The following ABAT variants were observed in gnomAD, a reference collection of about 807,000 sequenced individuals.
ABAT encodes 4-aminobutyrate aminotransferase, also known as 4-aminobutyrate aminotransferase, mitochondrial.
Under a neutral mutation model 64.6 loss-of-function variants are expected in ABAT, and 45 were observed. The ratio of observed to expected loss-of-function variants is 0.70; its 90% CI spans 0.55 to 0.89. The LOEUF (loss-of-function observed/expected upper bound fraction) is 0.89. ABAT is among the 40% of genes least tolerant of loss of function. The probability of loss-of-function intolerance (pLI) is 0.00; values close to 1 mark genes in which losing one functional copy is unlikely to be tolerated. For missense variants in ABAT, 633 were observed against 658.4 expected, an observed-to-expected ratio of 0.96 and a Z score of 0.42; for synonymous variants, 297 against 250.5, an observed-to-expected ratio of 1.19 and a Z score of -1.75.
chr16:8,769,744 C>T lies in ABAT; in HGVS notation c.816+771C>T, dbSNP rs985621479. The stretch of plus-strand genomic sequence containing the variant: ...TGAGGACAGGCAGCACCCCCCTACC[C>T]CCCGTTTCCACGTCATCTAACACAG... On this transcript the variant is annotated intron_variant, in intron 11 of 15. Transcript: ENST00000268251. Among the ~76,000 whole-genome samples the T allele has an allele frequency of 3.3e-5, 5 of 152,152 alleles. No homozygotes were observed. The East Asian group carries it at 9.6e-4, about 29-fold the overall frequency.
chr16:8,758,783 A>G (rs2059714913), intron 6 of ABAT, among the ~76,000 whole-genome samples: 1 of 151,350 alleles, frequency 6.6e-6, no homozygotes, highest in Admixed American at 6.5e-5. Flanking sequence ...GAAGAGAGAT[A>G]GAGAGCCATT....
rs376531387 is a variant in ABAT, at chr16:8,764,149, G to C, written c.447G>C (p.Ser149=). The C allele has an allele frequency of 2.5e-6, 4 of 1,612,874 alleles. No individual in the cohort carries two copies. Among genetic ancestry groups the C allele is most frequent in the Non-Finnish European group, 2.5e-6 (3 of 1,179,768 alleles). ...AGAAGCTCCGGCAGTCCTTGCTCTCGGTGAGTTCTGGAGAAGCAATCCCAT... is the reference window on the plus strand; with the variant it reads ...AGAAGCTCCGGCAGTCCTTGCTCTCCGTGAGTTCTGGAGAAGCAATCCCAT... ...FVEKLRQSLL[S]VAPKGMSQLI... The change falls in exon 7 of 16, where the codon TCG becomes TCC. Residue 149 remains serine, a splice_region_variant and synonymous_variant. Transcript: ENST00000268251. The surrounding 1 kb of genome is among the most constrained non-coding windows in gnomAD (Gnocchi z 4.2).
intron 1 of ABAT, among the ~76,000 whole-genome samples, chr16:8,702,113 A>C (rs1273381): frequency 0.75 from 114,553 of 151,996 alleles, 43,557 homozygotes; most frequent in East Asian, 0.86. Flanking sequence ...GTTTCATTGG[A>C]TCATGGTTCT....
intron 1 of ABAT, among the ~76,000 whole-genome samples, chr16:8,676,257 T>TG (rs1386127001): frequency 6.6e-6 from 1 of 152,086 alleles, no homozygotes; most frequent in African/African-American, 2.4e-5. Context: ...ATTAAAGACG[T>TG]GGCCCCTTCA....
At chr16:8,737,999 AGAAAGAAAGAAAGAAAG>A (rs2059022692) in intron 2 of ABAT, among the ~76,000 whole-genome samples, 1 of 118,616 alleles carries the variant, frequency 8.4e-6, no homozygotes, top group African/African-American at 3.6e-5. Context: ...GAGGAAAGAA[AGAAAGAAAGAAAGAAAG>A]GAAAGAAAGA....
At chr16:8,714,120 T>C (rs923211600) in intron 1 of ABAT, among the ~76,000 whole-genome samples, 1 of 152,136 alleles carries the variant, frequency 6.6e-6, no homozygotes, top group African/African-American at 2.4e-5. Flanking sequence ...AGGAGACCCT[T>C]TAAAGTGGGG....
At chr16:8,773,738 C>T (rs961810589) in intron 12 of ABAT, among the ~76,000 whole-genome samples, 8 of 152,166 alleles carry the variant, frequency 5.3e-5, no homozygotes, top group African/African-American at 1.2e-4. Context: ...CTCTGATAGG[C>T]GTCATTCGAC....
chr16:8,763,827 T>C (rs2059864522), intron 6 of ABAT, among the ~76,000 whole-genome samples: 1 of 152,210 alleles, frequency 6.6e-6, no homozygotes, highest in South Asian at 2.1e-4. Flanking sequence ...TAGCATCCTA[T>C]ATAACGCCAA....
Position 8,737,688 on chromosome 16 carries a change from C to T in ABAT, c.70+1879C>T, listed in dbSNP as rs376951863. On this transcript the variant is annotated intron_variant, in intron 2 of 15. Coordinates refer to ENST00000268251, the MANE Select transcript of ABAT (RefSeq NM_020686.6). Reference sequence around the variant, plus strand: ...CTATAATGCCAGCACTTTGGGAGGCCGAGGCAGGAGGATCATCTGAGGTCA... The same window carrying T: ...CTATAATGCCAGCACTTTGGGAGGCTGAGGCAGGAGGATCATCTGAGGTCA... 2.0e-4 allele frequency among the ~76,000 whole-genome samples: 30 copies of T among 149,448 alleles called. No individual in the cohort carries two copies. In the East Asian group the frequency reaches 3.6e-3, roughly 18 times the overall value.
chr16:8,685,968 C>G (rs1335971160), intron 1 of ABAT, among the ~76,000 whole-genome samples: 2 of 152,184 alleles, frequency 1.3e-5, no homozygotes, highest in African/African-American at 4.8e-5. Context: ...CTCCCACTAG[C>G]CTTTGAGCTC....
intron 1 of ABAT, among the ~76,000 whole-genome samples, chr16:8,686,030 G>C (rs894231230): frequency 6.6e-6 from 1 of 152,198 alleles, no homozygotes; most frequent in East Asian, 1.9e-4. Context: ...TGACCTTCCT[G>C]CAAAAGGTTT....
At chr16:8,689,460 A>G (rs754025410) in intron 1 of ABAT, among the ~76,000 whole-genome samples, 3 of 152,208 alleles carry the variant, frequency 2.0e-5, no homozygotes, top group Non-Finnish European at 2.9e-5. Flanking sequence ...CAATTTGACA[A>G]AAATGTATTG....
intron 1 of ABAT, among the ~76,000 whole-genome samples, chr16:8,723,424 C>G (rs576288746): frequency 5.9e-5 from 9 of 152,128 alleles, no homozygotes; most frequent in South Asian, 4.1e-4. Flanking sequence ...AGAAAGAGAG[C>G]CTTCCCTTGT....
chr16:8,731,961 C>T (rs1012981687), intron 1 of ABAT, among the ~76,000 whole-genome samples: 1 of 152,104 alleles, frequency 6.6e-6, no homozygotes, highest in African/African-American at 2.4e-5. Context: ...TGAAGTGATT[C>T]TCCTGCCTCA....
chr16:8,774,568 G>A (rs2060211355), intron 12 of ABAT, among the ~76,000 whole-genome samples: 1 of 152,114 alleles, frequency 6.6e-6, no homozygotes, highest in African/African-American at 2.4e-5. Context: ...AGCTCCCTCT[G>A]ACGAGGTCGA....
rs369503600 is a variant in ABAT at position 8,764,713 on chromosome 16, C to A, written c.448-25C>A. 17 of 1,604,520 alleles carry A rather than the reference C, an allele frequency of 1.1e-5. No individual in the cohort carries two copies. The highest frequency in any genetic ancestry group is 1.4e-5 in the Non-Finnish European group (16 of 1,171,490). Reference sequence around the variant, plus strand: ...GGACAGGAGTCATGATGAGCCTGGGCTCACGGCTATTTCCCTCCCCACAGG... The same window carrying A: ...GGACAGGAGTCATGATGAGCCTGGGATCACGGCTATTTCCCTCCCCACAGG... On this transcript the variant is annotated intron_variant, in intron 7 of 15. Coordinates refer to ENST00000268251, the MANE Select transcript of ABAT (RefSeq NM_020686.6). This position sits in a 1 kb window ranked among gnomAD's most constrained non-coding sequence, Gnocchi z 4.2.
At chr16:8,710,763 T>A (rs2058054392) in intron 1 of ABAT, among the ~76,000 whole-genome samples, 1 of 145,114 alleles carries the variant, frequency 6.9e-6, no homozygotes. Flanking sequence ...CCTTCACATC[T>A]GAGCAGGAAC....
chr16:8,762,422 C>T (rs1030528806), intron 6 of ABAT, among the ~76,000 whole-genome samples: 3 of 152,184 alleles, frequency 2.0e-5, no homozygotes, highest in African/African-American at 7.2e-5. Flanking sequence ...AGTGAAGAGT[C>T]TCCAGTTTGG....
intron 1 of ABAT, among the ~76,000 whole-genome samples, chr16:8,728,000 G>T (rs148685342): frequency 6.6e-6 from 1 of 152,210 alleles, no homozygotes; most frequent in Non-Finnish European, 1.5e-5. Flanking sequence ...GAGCCCGGGC[G>T]ATAGAGGCTG....
Sources: gnomAD v4.1 joint callset for allele counts (sites outside exome capture counted in the v4.1 genomes callset) on GRCh38, gnomAD v4.1.1 for gene constraint, Gnocchi (gnomAD v3.1) non-coding constraint, MANE v1.5 for transcripts, NCBI Gene and HGNC (gene_info 2026-07-23, HGNC 2026-07-21) for gene names.